The following PLOD2 variants were observed in gnomAD, a reference collection of about 807,000 sequenced individuals.
PLOD2 encodes the protein procollagen-lysine,2-oxoglutarate 5-dioxygenase 2.
PLOD2 carries 65 observed loss-of-function variants against 101.0 expected under a neutral mutation model. That is an observed-to-expected ratio of 0.64 (90% CI 0.53 to 0.79). The LOEUF (loss-of-function observed/expected upper bound fraction) is 0.79. Among genes scored for constraint, PLOD2 ranks in the 30% least tolerant of loss-of-function variants. The pLI, the probability that PLOD2 is intolerant of heterozygous loss-of-function variation, is 0.00. For synonymous variants in PLOD2, 314 were observed against 302.9 expected (o/e 1.04, Z -0.38); for missense variants, 909 against 914.6 (o/e 0.99, Z 0.08).
intron 11 of PLOD2, among the ~76,000 whole-genome samples, chr3:146,082,660 A>G (rs1298408057): frequency 6.6e-6 from 1 of 152,156 alleles, no homozygotes; most frequent in Non-Finnish European, 1.5e-5. Flanking sequence ...TGGGAAGCCG[A>G]GGCGGGCGGA....
chr3:146,160,351 G>T (rs982279702), intron 1 of PLOD2, among the ~76,000 whole-genome samples: 3 of 152,228 alleles, frequency 2.0e-5, no homozygotes, highest in African/African-American at 7.2e-5. Context: ...TGGAGGTACT[G>T]GGTAGCCAGG....
intron 1 of PLOD2, among the ~76,000 whole-genome samples, chr3:146,141,470 C>A (rs1277391858): frequency 6.6e-6 from 1 of 152,052 alleles, no homozygotes; most frequent in Non-Finnish European, 1.5e-5. Flanking sequence ...TCATGTTCCT[C>A]AACTACAGAT....
chr3:146,137,809 C>A (rs2031319573), intron 1 of PLOD2, among the ~76,000 whole-genome samples: 1 of 151,940 alleles, frequency 6.6e-6, no homozygotes, highest in African/African-American at 2.4e-5. Flanking sequence ...AAAAAAAATA[C>A]CATCCTAGGT....
intron 7 of PLOD2, among the ~76,000 whole-genome samples, chr3:146,093,976 T>C (rs998188462): frequency 1.8e-4 from 27 of 151,892 alleles, no homozygotes; most frequent in African/African-American, 6.3e-4. Flanking sequence ...TTTGGACCTC[T>C]CACCACACAG....
chr3:146,110,511 T>A, intron 3 of PLOD2, 63 bp from the exon 4 acceptor site: 3 of 1,337,342 alleles, frequency 2.2e-6, no homozygotes, highest in Non-Finnish European at 2.1e-6. Flanking sequence ...ACATAAACCA[T>A]GAAAAGTTCT....
At chr3:146,094,595 G>A (rs1296442743) in intron 7 of PLOD2, among the ~76,000 whole-genome samples, 5 of 152,004 alleles carry the variant, frequency 3.3e-5, no homozygotes, top group African/African-American at 7.2e-5. Flanking sequence ...GAACACAAAC[G>A]AATGGAAAAA....
At chr3:146,091,432 T>A (rs1936965770) in intron 8 of PLOD2, among the ~76,000 whole-genome samples, 1 of 152,042 alleles carries the variant, frequency 6.6e-6, no homozygotes, top group Middle Eastern at 3.4e-3. Flanking sequence ...TTTTTACATA[T>A]CAACTTTGAA....
intron 1 of PLOD2, among the ~76,000 whole-genome samples, chr3:146,143,304 T>A (rs1462855589): frequency 6.6e-6 from 1 of 150,382 alleles, no homozygotes; most frequent in Non-Finnish European, 1.5e-5. Flanking sequence ...AGTGAGAATA[T>A]AAAAAAAAAG....
At chr3:146,104,133 T>C in intron 6 of PLOD2, 146 bp downstream of exon 6, 1 of 678,248 alleles carries the variant, frequency 1.5e-6, no homozygotes, top group Non-Finnish European at 2.7e-6. Context: ...AGTTCAAGTC[T>C]AGTATTTTTG....
intron 8 of PLOD2, among the ~76,000 whole-genome samples, chr3:146,091,230 T>C (rs1212609132): frequency 6.6e-6 from 1 of 151,800 alleles, no homozygotes; most frequent in Non-Finnish European, 1.5e-5. Context: ...ACTCCCTATA[T>C]TCAAATCCCA....
intron 1 of PLOD2, among the ~76,000 whole-genome samples, chr3:146,125,922 T>C (rs1011333325): frequency 2.0e-5 from 3 of 152,172 alleles, no homozygotes; most frequent in Middle Eastern, 3.2e-3. Flanking sequence ...TGTAATAAAA[T>C]TACTCTATTT....
chr3:146,107,797 C>T (rs995321403), intron 4 of PLOD2, among the ~76,000 whole-genome samples: 5 of 151,910 alleles, frequency 3.3e-5, no homozygotes, highest in African/African-American at 9.7e-5. Context: ...GCACCCATCA[C>T]CATGCCCGAC....
At chr3:146,073,100 AATTTCT>A (rs1397682604) in intron 16 of PLOD2, among the ~76,000 whole-genome samples, 181 bp downstream of exon 16, 1 of 151,608 alleles carries the variant, frequency 6.6e-6, no homozygotes, top group East Asian at 1.9e-4. Context: ...TTAAAATGTT[AATTTCT>A]ATGTTCTACA....
At chr3:146,096,999 T>TGG (rs1205431639) in intron 7 of PLOD2, among the ~76,000 whole-genome samples, 1 of 61,966 alleles carries the variant, frequency 1.6e-5, no homozygotes. Context: ...GGGAGGGAGG[T>TGG]GGGGGGGTCA....
At chr3:146,148,338 G>GCACGCACACACACACA (rs1553742438) in intron 1 of PLOD2, among the ~76,000 whole-genome samples, 7 of 146,448 alleles carry the variant, frequency 4.8e-5, no homozygotes, top group Non-Finnish European at 7.5e-5. Flanking sequence ...AGGCAGGCAC[G>GCACGCACACACACACA]CACACACACA....
At chr3:146,158,094 A>C (rs923815606) in intron 1 of PLOD2, among the ~76,000 whole-genome samples, 1 of 152,054 alleles carries the variant, frequency 6.6e-6, no homozygotes, top group Non-Finnish European at 1.5e-5. Flanking sequence ...AACACACACA[A>C]ATTTTATCCA....
At chr3:146,118,209 T>A (rs1938007979) in intron 3 of PLOD2, among the ~76,000 whole-genome samples, 1 of 152,070 alleles carries the variant, frequency 6.6e-6, no homozygotes, top group African/African-American at 2.4e-5. Context: ...TTTTTCTAAG[T>A]GTAAAAAAAA....
intron 10 of PLOD2, chr3:146,086,178 T>TA (rs1936760665): frequency 6.6e-6 from 1 of 152,330 alleles, no homozygotes; most frequent in South Asian, 2.1e-4. Context: ...TCGTAGTAGA[T>TA]AAGATTATTT....
intron 1 of PLOD2, among the ~76,000 whole-genome samples, chr3:146,151,225 C>T (rs886106309): frequency 3.3e-5 from 5 of 152,322 alleles, no homozygotes; most frequent in African/African-American, 1.2e-4. Flanking sequence ...TGGCCAAGCA[C>T]GGTGGCTCAC....
Sources: gnomAD v4.1 joint callset for allele counts (sites outside exome capture counted in the v4.1 genomes callset) on GRCh38, gnomAD v4.1.1 for gene constraint, MANE v1.5 for transcripts, NCBI Gene and HGNC (gene_info 2026-07-23, HGNC 2026-07-21) for gene names.